EPHB4: variants seen among roughly 807,000 people sequenced by gnomAD.
EPHB4 encodes the protein ephrin type-B receptor 4.
EPHB4 carries 50 observed loss-of-function variants against 110.6 expected under a neutral mutation model. The observed-to-expected ratio is 0.45, with a 90% CI of 0.36 to 0.57. The LOEUF (loss-of-function observed/expected upper bound fraction) is 0.57, where lower values mean the gene tolerates loss of function less well. EPHB4 is among the 20% of genes least tolerant of loss of function. The pLI is 0.00. For missense variants in EPHB4, 1,128 were observed against 1,382.1 expected, an observed-to-expected ratio of 0.82 and a Z score of 2.91; for synonymous variants, 592 against 578.4, an observed-to-expected ratio of 1.02 and a Z score of -0.34.
intron 4 of EPHB4, among the ~76,000 whole-genome samples, chr7:100,821,721 G>T (rs1159229304): frequency 6.6e-6 from 1 of 151,610 alleles, no homozygotes; most frequent in Non-Finnish European, 1.5e-5. Context: ...CTCCCACCTT[G>T]GCATCTCAAA....
chr7:100,808,245 G>A (rs1245462321), intron 12 of EPHB4, among the ~76,000 whole-genome samples: 1 of 152,192 alleles, frequency 6.6e-6, no homozygotes, highest in South Asian at 2.1e-4. Context: ...TAGAGACAAG[G>A]TCTCTTTCTT....
rs549090700 is a variant in EPHB4, at chr7:100,813,882, A to AG, written c.1691+36dup. ...CACCCAGGCAGGTGGCCATCAACTG[A>AG]GGGCTTCCAGGGGCCTCTGGGTGTC... On this transcript the variant is annotated intron_variant, in intron 9 of 16. Coordinates refer to ENST00000358173, the MANE Select transcript of EPHB4 (RefSeq NM_004444.5). 7.6e-3 allele frequency: 12,290 copies of AG among 1,611,916 alleles called. 62 individuals are homozygous for AG. Among genetic ancestry groups the AG allele is most frequent in the Non-Finnish European group, 9.4e-3 (11,062 of 1,178,874 alleles).
chr7:100,809,552 C>T (rs1307307528), intron 12 of EPHB4, among the ~76,000 whole-genome samples: 20 of 151,764 alleles, frequency 1.3e-4, no homozygotes, highest in Non-Finnish European at 7.4e-5. Flanking sequence ...GAGATGGGAT[C>T]GCCCAGGCTG....
At position 100,817,177 on chromosome 7, in the gene EPHB4, C is replaced by T; in HGVS notation, c.1588+15G>A. 6.6e-7 allele frequency: 1 copy of T among 1,514,946 alleles called. No homozygotes were observed. The highest frequency in any genetic ancestry group is 8.8e-7 in the Non-Finnish European group (1 of 1,133,866). The allele number at this position is 1,514,946 out of a possible 1,614,324, so 93.8% of individuals were successfully genotyped here. On this transcript the variant is annotated intron_variant, in intron 8 of 16. Coordinates refer to ENST00000358173, the MANE Select transcript of EPHB4 (RefSeq NM_004444.5). ...TCTTTCCAACCCCCACCCTCACCCC[C>T]TTCCCCAGGCTCACCATCCAGTTGG...
chr7:100,818,849 CCAT>C (rs1416298739), intron 6 of EPHB4, among the ~76,000 whole-genome samples: 1 of 152,074 alleles, frequency 6.6e-6, no homozygotes, highest in Non-Finnish European at 1.5e-5. Flanking sequence ...GTGCCCACCA[CCAT>C]GCCTGGCTAA....
chr7:100,811,192 C>T (rs899674419), intron 12 of EPHB4, among the ~76,000 whole-genome samples: 16 of 151,238 alleles, frequency 1.1e-4, no homozygotes, highest in African/African-American at 2.9e-4. Flanking sequence ...GTGGACGTTG[C>T]GGTGAGCCAA....
intron 7 of EPHB4, 143 bp downstream of exon 7, chr7:100,818,377 C>T (rs1025872273): frequency 1.5e-4 from 192 of 1,268,192 alleles, no homozygotes; most frequent in Non-Finnish European, 1.4e-4. Context: ...CTCAGACAGG[C>T]CAAGGGGCTT....
At chr7:100,809,854 G>A (rs1562968239) in intron 12 of EPHB4, among the ~76,000 whole-genome samples, 1 of 152,080 alleles carries the variant, frequency 6.6e-6, no homozygotes, top group South Asian at 2.1e-4. Context: ...TGGCTCACGC[G>A]TTTAATCCCA....
At chr7:100,811,866 T>A (rs1161695576) in intron 12 of EPHB4, among the ~76,000 whole-genome samples, 1 of 147,232 alleles carries the variant, frequency 6.8e-6, no homozygotes, top group Non-Finnish European at 1.5e-5. Flanking sequence ...TGAGACTCTG[T>A]CTTAAAAAAA....
intron 1 of EPHB4, among the ~76,000 whole-genome samples, chr7:100,826,446 G>A (rs571277811): frequency 6.6e-6 from 1 of 152,044 alleles, no homozygotes; most frequent in Non-Finnish European, 1.5e-5. Context: ...GCGGGAGAGC[G>A]GTTTGGGGGT....
chr7:100,819,456 C>T (rs1313878101), intron 6 of EPHB4, 101 bp downstream of exon 6: 1 of 1,376,086 alleles, frequency 7.3e-7, no homozygotes, highest in Non-Finnish European at 9.8e-7. Flanking sequence ...GCCCCTCACA[C>T]TTCCGGGGTA....
In EPHB4 at chr7:100,827,013, C is replaced by A. The variant is rs780422508; in HGVS notation, c.18G>T (p.Leu6=). ...CTGCGGCCAACGAAGCCCAGCAGAG[C>A]AGCACCCGGAGCTCCATGGCGCCGC... MELRV[L]LCWASLAAAL... The change falls in exon 1 of 17, where the codon CTG becomes CTT. Residue 6 remains leucine, a synonymous_variant. Transcript: ENST00000358173. 6.3e-7 allele frequency: 1 copy of A among 1,581,900 alleles called. No homozygotes were observed.
chr7:100,803,414 C>A lies in EPHB4; in HGVS notation c.*47G>T. The A allele has an allele frequency of 6.8e-7, 1 of 1,480,500 alleles. No individual in the cohort carries two copies. Among genetic ancestry groups the A allele is most frequent in the East Asian group, 2.4e-5 (1 of 41,160 alleles). The allele number at this position is 1,480,500 out of a possible 1,614,324, so 91.7% of individuals were successfully genotyped here. On this transcript the variant is annotated 3_prime_UTR_variant, in exon 17 of 17. Transcript: ENST00000358173. Reference sequence around the variant, plus strand: ...GGCCTCTGTGAGTCCCCACTCTGCCCCGGAAAATGGGGAGGCGGTGTCCCT... The same window carrying A: ...GGCCTCTGTGAGTCCCCACTCTGCCACGGAAAATGGGGAGGCGGTGTCCCT...
At chr7:100,809,294 A>G (rs1252836074) in intron 12 of EPHB4, among the ~76,000 whole-genome samples, 1 of 152,010 alleles carries the variant, frequency 6.6e-6, no homozygotes, top group Non-Finnish European at 1.5e-5. Context: ...TTTAGTACAG[A>G]CAGGGTTTCA....
intron 8 of EPHB4, among the ~76,000 whole-genome samples, chr7:100,814,775 G>A (rs925288744): frequency 2.0e-5 from 3 of 152,288 alleles, no homozygotes; most frequent in African/African-American, 7.2e-5. Context: ...AGCACTCTGA[G>A]ATACTGAGGT....
At chr7:100,805,377 A>T in intron 15 of EPHB4, 56 bp from the exon 16 acceptor site, 1 of 1,607,894 alleles carries the variant, frequency 6.2e-7, no homozygotes, top group Non-Finnish European at 8.5e-7. Context: ...CCGGGGGAGG[A>T]GGTGGAACCC....
At position 100,805,634 on chromosome 7, in the gene EPHB4, G is replaced by A. The variant is rs1272050395; in HGVS notation, c.2545C>T (p.Leu849Phe). Reference protein sequence around the residue: ...LPPPPDCPTSLHQLMLDCWQK... With the variant: ...LPPPPDCPTSFHQLMLDCWQK... ...CAACAGTCCAGCATGAGCTGGTGGA[G>A]GGAGGTGGGACAGTCTGGGGGCGGG... Residue 849 changes from leucine to phenylalanine, a missense_variant, in exon 15 of 17, where the codon CTC becomes TTC. Around this residue, in one of 3 missense-constraint regions of EPHB4, gnomAD observed 209 missense variants for 240.5 expected, o/e 0.87. Transcript: ENST00000358173. The A allele has an allele frequency of 6.4e-7, 1 of 1,555,882 alleles. No individual in the cohort carries two copies. Among genetic ancestry groups the A allele is most frequent in the Non-Finnish European group, 8.7e-7 (1 of 1,153,542 alleles).
intron 12 of EPHB4, among the ~76,000 whole-genome samples, chr7:100,810,859 G>A (rs1812912702): frequency 6.6e-6 from 1 of 152,216 alleles, no homozygotes; most frequent in Non-Finnish European, 1.5e-5. Flanking sequence ...AGAGAAACGT[G>A]AAAATCAACT....
intron 8 of EPHB4, 87 bp downstream of exon 8, chr7:100,817,103 AAG>A (rs1813092392): frequency 2.0e-5 from 24 of 1,229,740 alleles, no homozygotes; most frequent in Non-Finnish European, 2.4e-5. Context: ...AAAAAAAAAA[AAG>A]ATGATGGGAC....
Sources: gnomAD v4.1 joint callset for allele counts (sites outside exome capture counted in the v4.1 genomes callset) on GRCh38, gnomAD v4.1.1 for gene constraint, gnomAD v4.1.1 regional missense constraint, MANE v1.5 for transcripts, NCBI Gene and HGNC (gene_info 2026-07-23, HGNC 2026-07-21) for gene names.